Variants in TRAFD1 observed in about 807,000 individuals in gnomAD.
TRAFD1 encodes TRAF-type zinc finger domain containing 1, also known as TRAF-type zinc finger domain-containing protein 1.
In TRAFD1, 38 loss-of-function variants were observed where a neutral mutation model predicts 65.3. The ratio of observed to expected loss-of-function variants is 0.58; its 90% CI spans 0.45 to 0.76. The LOEUF (loss-of-function observed/expected upper bound fraction) is 0.76, where lower values mean the gene tolerates loss of function less well. TRAFD1 is among the 30% of genes least tolerant of loss of function. The pLI is 0.00. For missense variants in TRAFD1, 631 were observed against 712.6 expected, an observed-to-expected ratio of 0.89 and a Z score of 1.30; for synonymous variants, 223 against 257.2, an observed-to-expected ratio of 0.87 and a Z score of 1.27.
rs573700270 is a variant in TRAFD1 at position 112,131,642 on chromosome 12, G to A, written c.47+1073G>A. Among the ~76,000 whole-genome samples, 107 of 152,228 alleles carry A rather than the reference G, an allele frequency of 7.0e-4. 1 individual carries two copies. Among genetic ancestry groups the A allele is most frequent in the African/African-American group, 2.5e-3 (105 of 41,542 alleles). On this transcript the variant is annotated intron_variant, in intron 2 of 11. Coordinates refer to ENST00000412615, the MANE Select transcript of TRAFD1 (RefSeq NM_006700.3). ...ACCTCTAATTTGCTAGCCCTTCCTT[G>A]AGACTTTTAGCAGTTTTATCTGGAT... is the stretch of plus-strand genomic sequence containing the variant.
intron 7 of TRAFD1, among the ~76,000 whole-genome samples, chr12:112,146,196 G>A (rs940524398): frequency 4.1e-4 from 14 of 33,900 alleles, no homozygotes; most frequent in Non-Finnish European, 6.6e-4. Flanking sequence ...AGAAGAAGAA[G>A]AAAAAAAAAA....
chr12:112,149,167 G>A (rs551984689), intron 8 of TRAFD1, among the ~76,000 whole-genome samples: 9 of 150,940 alleles, frequency 6.0e-5, no homozygotes, highest in East Asian at 2.0e-4. Flanking sequence ...GCAGTGAGCC[G>A]AGATCACACC....
At chr12:112,136,251 C>T (rs1291010411) in intron 4 of TRAFD1, among the ~76,000 whole-genome samples, 1 of 151,192 alleles carries the variant, frequency 6.6e-6, no homozygotes, top group Non-Finnish European at 1.5e-5. Flanking sequence ...GCTAGGATTA[C>T]AGGCATGAGC....
chr12:112,145,521 A>AT (rs1005148262), intron 6 of TRAFD1, 65 bp from the exon 7 acceptor site: 65 of 1,528,638 alleles, frequency 4.3e-5, no homozygotes, highest in Non-Finnish European at 5.3e-5. Context: ...CATAAAGAGG[A>AT]TAAAAAGTTA....
chr12:112,134,689 CAT>C, intron 2 of TRAFD1, 47 bp from the exon 3 acceptor site: 1 of 1,589,728 alleles, frequency 6.3e-7, no homozygotes, highest in Non-Finnish European at 8.6e-7. Flanking sequence ...CAAGAAAAGG[CAT>C]AGATTAGTCA....
At chr12:112,129,193 A>ATTT (rs56949881) in intron 1 of TRAFD1, among the ~76,000 whole-genome samples, 12 of 81,360 alleles carry the variant, frequency 1.5e-4, no homozygotes, top group African/African-American at 1.8e-4. Context: ...TGGGATGGTG[A>ATTT]TTTTTTTTTT....
At position 112,152,289 on chromosome 12, in the gene TRAFD1, C is replaced by T; in HGVS notation, c.1620-138C>T. On this transcript the variant is annotated intron_variant, in intron 10 of 11. Coordinates refer to ENST00000412615, the MANE Select transcript of TRAFD1 (RefSeq NM_006700.3). This position sits in a 1 kb window ranked among gnomAD's most constrained non-coding sequence, Gnocchi z 5.0. ...GGATTTTCCCTGTATTGTCACCTGA[C>T]TCCAAAAAAATTATTTTGTGGCCTA... 17 of 1,425,748 alleles carry T rather than the reference C, an allele frequency of 1.2e-5. No individual in the cohort carries two copies. The highest frequency in any genetic ancestry group is 1.6e-5 in the Non-Finnish European group (17 of 1,046,102). 88.3% of individuals were successfully genotyped at this position (1,425,748 alleles called of 1,614,324 possible).
chr12:112,152,314 A>G lies in TRAFD1; in HGVS notation c.1620-113A>G, dbSNP rs1254180057. On this transcript the variant is annotated intron_variant, in intron 10 of 11. Coordinates refer to ENST00000412615, the MANE Select transcript of TRAFD1 (RefSeq NM_006700.3). The surrounding 1 kb of genome is among the most constrained non-coding windows in gnomAD (Gnocchi z 5.0). ...CTCCAAAAAAATTATTTTGTGGCCT[A>G]TGGGTTTTTTGGGGTTTGTCTGCTA... The G allele has an allele frequency of 3.3e-5, 49 of 1,482,324 alleles. No individual in the cohort carries two copies. The highest frequency in any genetic ancestry group is 1.1e-4 in the East Asian group (5 of 44,014). The allele number at this position is 1,482,324 out of a possible 1,614,324, so 91.8% of individuals were successfully genotyped here. A position where few individuals can be genotyped will look rare whatever the true frequency, so the allele number is the denominator to read the frequency against.
Position 112,140,923 on chromosome 12 carries a change from A to C in TRAFD1, c.342A>C (p.Glu114Asp). Reference protein sequence around the residue: ...EHEDYCGARTELCGNCGRNVL... With the variant: ...EHEDYCGARTDLCGNCGRNVL... ...AAGATTATTGTGGTGCCCGGACGGA[A>C]CTATGTGGCAACTGTGGTCGCAATG... Residue 114 changes from glutamate (E) to aspartate (D), a missense_variant, in exon 5 of 12, where the codon GAA (glutamate) becomes GAC (aspartate). By Grantham distance (45) the Glu-to-Asp change is conservative. Coordinates refer to ENST00000412615, the MANE Select transcript of TRAFD1 (RefSeq NM_006700.3). 2 of 1,614,238 alleles carry C rather than the reference A, an allele frequency of 1.2e-6. No homozygotes were observed. The highest frequency in any genetic ancestry group is 8.5e-7 in the Non-Finnish European group (1 of 1,180,042).
chr12:112,138,473 C>T (rs2029981677), intron 4 of TRAFD1, among the ~76,000 whole-genome samples: 1 of 151,646 alleles, frequency 6.6e-6, no homozygotes, highest in Admixed American at 6.6e-5. Context: ...TTGCTTGAAC[C>T]TGTGAGGCAG....
chr12:112,130,668 G>T lies in TRAFD1; in HGVS notation c.47+99G>T. ...AAAACTGTTAGTGAAGACTGGCACA[G>T]TCTTGAGTTAAGCTTTCTATTTTGG... is the stretch of plus-strand genomic sequence containing the variant. On this transcript the variant is annotated intron_variant, in intron 2 of 11. Coordinates refer to ENST00000412615, the MANE Select transcript of TRAFD1 (RefSeq NM_006700.3). This position sits in a 1 kb window ranked among gnomAD's most constrained non-coding sequence, Gnocchi z 4.4. The T allele has an allele frequency of 9.9e-7, 1 of 1,013,416 alleles. No homozygotes were observed. Among genetic ancestry groups the T allele is most frequent in the African/African-American group, 1.6e-5 (1 of 62,014 alleles). 62.8% of individuals were successfully genotyped at this position (1,013,416 alleles called of 1,614,324 possible). A position where few individuals can be genotyped will look rare whatever the true frequency, so the allele number is the denominator to read the frequency against.
At chr12:112,128,801 C>T (rs1051993345) in intron 1 of TRAFD1, among the ~76,000 whole-genome samples, 1 of 152,038 alleles carries the variant, frequency 6.6e-6, no homozygotes, top group Non-Finnish European at 1.5e-5. Flanking sequence ...CTTTGGGAGG[C>T]TGAGGCTGGC....
chr12:112,127,844 G>A (rs1354361457), intron 1 of TRAFD1, among the ~76,000 whole-genome samples: 1 of 151,700 alleles, frequency 6.6e-6, no homozygotes, highest in Non-Finnish European at 1.5e-5. Flanking sequence ...AAAGTGCTGG[G>A]ATTACAGGCA....
At position 112,152,482 on chromosome 12, in the gene TRAFD1, CGCA is replaced by C; in HGVS notation, c.1680_1682del (p.Ser560del). ...GGTCACCCCTGCAGCTGCCAACTACCGCAGCAGAACTGCAAAGGTAAGGTGGGC... is the reference window on the plus strand; with the variant it reads ...GGTCACCCCTGCAGCTGCCAACTACCGCAGAACTGCAAAGGTAAGGTGGGC... On this transcript the variant is annotated inframe_deletion, in exon 11 of 12. Transcript: ENST00000412615. The surrounding 1 kb of genome is among the most constrained non-coding windows in gnomAD (Gnocchi z 5.0). 1.2e-6 allele frequency: 2 copies of C among 1,613,898 alleles called. No homozygotes were observed. Among genetic ancestry groups the C allele is most frequent in the Non-Finnish European group, 1.7e-6 (2 of 1,180,026 alleles).
chr12:112,136,871 G>A (rs1426931957), intron 4 of TRAFD1, among the ~76,000 whole-genome samples: 3 of 152,240 alleles, frequency 2.0e-5, no homozygotes, highest in African/African-American at 7.2e-5. Flanking sequence ...GAGATTACAG[G>A]CGTGAGCTAT....
At position 112,142,218 on chromosome 12, in the gene TRAFD1, C is replaced by T; in HGVS notation, c.773C>T (p.Ala258Val). ...AATGAAGGCCAAGCCTCCAGTGTGG[C>T]AGAGCAGGACTTCTGGAGGGCCGTA... ...LQNEGQASSVAEQDFWRAVCE... is the reference protein window; with the variant it reads ...LQNEGQASSVVEQDFWRAVCE... Residue 258 changes from alanine (A) to valine (V), a missense_variant, in exon 6 of 12, where the codon GCA (alanine) becomes GTA (valine). By Grantham distance (64) the Ala-to-Val change is moderately conservative. Transcript: ENST00000412615. 1 of 1,613,948 alleles carries T rather than the reference C, an allele frequency of 6.2e-7. No homozygotes were observed. Among genetic ancestry groups the T allele is most frequent in the Non-Finnish European group, 8.5e-7 (1 of 1,179,960 alleles).
chr12:112,136,757 A>G (rs1487894980), intron 4 of TRAFD1, among the ~76,000 whole-genome samples: 1 of 151,936 alleles, frequency 6.6e-6, no homozygotes, highest in African/African-American at 2.4e-5. Flanking sequence ...GACTAATTTT[A>G]TTTATTTTTG....
At chr12:112,149,113 G>A (rs901831954) in intron 8 of TRAFD1, among the ~76,000 whole-genome samples, 1 of 151,974 alleles carries the variant, frequency 6.6e-6, no homozygotes, top group Non-Finnish European at 1.5e-5. Flanking sequence ...AGCTACTCGG[G>A]AGGCTGAGGC....
intron 6 of TRAFD1, among the ~76,000 whole-genome samples, chr12:112,143,570 C>T (rs1238769664): frequency 6.6e-6 from 1 of 151,900 alleles, no homozygotes; most frequent in Non-Finnish European, 1.5e-5. Flanking sequence ...TGATTTTTCT[C>T]CGTAGTTATT....
Sources: allele counts gnomAD v4.1 joint callset (sites outside exome capture counted in the v4.1 genomes callset), GRCh38; gene constraint gnomAD v4.1.1; non-coding constraint Gnocchi (gnomAD v3.1); transcripts MANE v1.5; gene names NCBI Gene and HGNC (gene_info 2026-07-23, HGNC 2026-07-21).